The following RALYL variants were observed in gnomAD, a reference collection of about 807,000 sequenced individuals.
The protein encoded by RALYL is RNA-binding Raly-like protein.
RALYL carries 29 observed loss-of-function variants against 35.1 expected under a neutral mutation model. The observed-to-expected ratio is 0.83, with a 90% CI of 0.61 to 1.13. The LOEUF (loss-of-function observed/expected upper bound fraction) is 1.13, where lower values mean the gene tolerates loss of function less well. RALYL is among the 50% of genes most tolerant of loss of function. RALYL has a pLI of 0.00. For missense variants in RALYL, 359 were observed against 360.4 expected (o/e 1.00, Z 0.03); for synonymous variants, 120 against 127.6 (o/e 0.94, Z 0.40).
chr8:84,458,585 G>GA (rs1274070362), intron 1 of RALYL, among the ~76,000 whole-genome samples: 8 of 151,554 alleles, frequency 5.3e-5, no homozygotes, highest in African/African-American at 1.4e-4. Flanking sequence ...TCTTCTTGAG[G>GA]AAAAAATTCA....
chr8:84,417,981 C>T (rs1052602780), intron 1 of RALYL, among the ~76,000 whole-genome samples: 2 of 152,052 alleles, frequency 1.3e-5, no homozygotes, highest in Non-Finnish European at 2.9e-5. Context: ...GATCTTTTCC[C>T]CTACTAAGTT....
At chr8:84,244,827 T>C (rs1283174412) in intron 1 of RALYL, among the ~76,000 whole-genome samples, 1 of 152,210 alleles carries the variant, frequency 6.6e-6, no homozygotes, top group Non-Finnish European at 1.5e-5. Flanking sequence ...GGATTCTTGC[T>C]GTTAGTTGGG....
chr8:84,266,959 C>CA (rs747403533), intron 1 of RALYL, among the ~76,000 whole-genome samples: 8,226 of 56,850 alleles, frequency 0.14, 412 homozygotes, highest in Middle Eastern at 0.25. Flanking sequence ...GACTCCGTCT[C>CA]AAAAAAAAAA....
chr8:84,459,821 C>G (rs1057104560), intron 1 of RALYL, among the ~76,000 whole-genome samples: 1 of 151,716 alleles, frequency 6.6e-6, no homozygotes, highest in Non-Finnish European at 1.5e-5. Flanking sequence ...ATCTGCGAAG[C>G]TATAAGGAAT....
At chr8:84,627,113 A>G (rs767758084) in intron 2 of RALYL, among the ~76,000 whole-genome samples, 1 of 152,122 alleles carries the variant, frequency 6.6e-6, no homozygotes, top group South Asian at 2.1e-4. Flanking sequence ...ACGCTTTTAA[A>G]TTACTGCAAC....
At chr8:84,655,223 C>T (rs1025237573) in intron 2 of RALYL, among the ~76,000 whole-genome samples, 1 of 151,824 alleles carries the variant, frequency 6.6e-6, no homozygotes, top group Non-Finnish European at 1.5e-5. Context: ...TATGCTGTTT[C>T]CCATTTGTAT....
At chr8:84,497,117 C>T (rs1312908647) in intron 1 of RALYL, among the ~76,000 whole-genome samples, 1 of 152,076 alleles carries the variant, frequency 6.6e-6, no homozygotes, top group Non-Finnish European at 1.5e-5. Flanking sequence ...CCATGAAAAC[C>T]TCCATCCATA....
chr8:84,777,804 G>T (rs148271159), intron 3 of RALYL, among the ~76,000 whole-genome samples: 2 of 152,126 alleles, frequency 1.3e-5, no homozygotes, highest in East Asian at 1.9e-4. Flanking sequence ...ACCACACCTG[G>T]CTAATTTTTT....
chr8:84,574,752 G>A (rs1013783979), intron 2 of RALYL, among the ~76,000 whole-genome samples: 4 of 150,680 alleles, frequency 2.7e-5, no homozygotes, highest in Non-Finnish European at 5.9e-5. Flanking sequence ...TAGGCTCGAG[G>A]TGATTTTAGT....
intron 3 of RALYL, among the ~76,000 whole-genome samples, chr8:84,787,639 C>CA (rs777310114): frequency 1.2e-4 from 19 of 152,176 alleles, no homozygotes; most frequent in Admixed American, 7.2e-4. Flanking sequence ...CTCCCACCAA[C>CA]AGTGTAAAAG....
intron 8 of RALYL, among the ~76,000 whole-genome samples, chr8:84,904,896 G>C (rs549076098): frequency 6.6e-6 from 1 of 151,986 alleles, no homozygotes; most frequent in Non-Finnish European, 1.5e-5. Flanking sequence ...TGACTTAACT[G>C]TTTAGTTTTT....
intron 2 of RALYL, among the ~76,000 whole-genome samples, chr8:84,746,197 G>C (rs757090567): frequency 1.3e-5 from 2 of 151,970 alleles, no homozygotes; most frequent in Non-Finnish European, 2.9e-5. Flanking sequence ...AATCACTTGA[G>C]AGGAAATGTA....
intron 8 of RALYL, among the ~76,000 whole-genome samples, chr8:84,900,667 G>A (rs377494513): frequency 1.5e-4 from 22 of 151,302 alleles, no homozygotes; most frequent in East Asian, 9.7e-4. Context: ...CAACAAGAGC[G>A]AAAGTTTGTC....
chr8:84,262,083 T>C (rs1334878569), intron 1 of RALYL, among the ~76,000 whole-genome samples: 1 of 152,158 alleles, frequency 6.6e-6, no homozygotes, highest in Non-Finnish European at 1.5e-5. Flanking sequence ...AGCTCTGTTC[T>C]GTTGATAGAA....
chr8:84,852,280 CAAA>C (rs963411594), intron 5 of RALYL, among the ~76,000 whole-genome samples: 1 of 151,770 alleles, frequency 6.6e-6, no homozygotes, highest in Non-Finnish European at 1.5e-5. Flanking sequence ...CCTTTTCTGA[CAAA>C]AAAATATAAT....
At chr8:84,403,089 A>C (rs986462658) in intron 1 of RALYL, among the ~76,000 whole-genome samples, 1 of 151,952 alleles carries the variant, frequency 6.6e-6, no homozygotes, top group Non-Finnish European at 1.5e-5. Context: ...AGATTGCAAA[A>C]ATTTTCTCCC....
At chr8:84,427,213 G>A (rs2046587670) in intron 1 of RALYL, among the ~76,000 whole-genome samples, 1 of 152,224 alleles carries the variant, frequency 6.6e-6, no homozygotes, top group Non-Finnish European at 1.5e-5. Context: ...ACAATGGCAT[G>A]TACCATCATC....
intron 3 of RALYL, among the ~76,000 whole-genome samples, chr8:84,780,601 C>T (rs1046245131): frequency 6.6e-6 from 1 of 152,128 alleles, no homozygotes; most frequent in Non-Finnish European, 1.5e-5. Flanking sequence ...TGTGCTTGTT[C>T]AGTTTGCTTG....
intron 1 of RALYL, among the ~76,000 whole-genome samples, chr8:84,349,446 A>T (rs1850463129): frequency 6.7e-6 from 1 of 150,316 alleles, no homozygotes; most frequent in African/African-American, 2.5e-5. Flanking sequence ...AACACACATC[A>T]GTCTTTGACT....
Sources: allele counts gnomAD v4.1 joint callset (sites outside exome capture counted in the v4.1 genomes callset), GRCh38; gene constraint gnomAD v4.1.1; transcripts MANE v1.5; gene names NCBI Gene and HGNC (gene_info 2026-07-23, HGNC 2026-07-21).